The following MAST4 variants were observed in gnomAD, a reference collection of about 807,000 sequenced individuals.
MAST4 encodes microtubule-associated serine/threonine-protein kinase 4.
Under a neutral mutation model 162.7 loss-of-function variants are expected in MAST4, and 89 were observed. The ratio of observed to expected loss-of-function variants is 0.55; its 90% CI spans 0.46 to 0.65. The LOEUF (loss-of-function observed/expected upper bound fraction) is 0.65. MAST4 is among the 30% of genes least tolerant of loss of function. The probability of loss-of-function intolerance (pLI) is 0.00; values close to 1 mark genes in which losing one functional copy is unlikely to be tolerated. For missense variants in MAST4, 3,153 were observed against 3,374.0 expected (o/e 0.93, Z 1.62); for synonymous variants, 1,479 against 1,361.1 (o/e 1.09, Z -1.91).
chr5:66,764,625 A>G lies in MAST4; in HGVS notation c.517+4763A>G, dbSNP rs180725805. 7.7e-3 allele frequency among the ~76,000 whole-genome samples: 1,177 copies of G among 152,296 alleles called. 4 individuals carry two copies. The highest frequency in any genetic ancestry group is 0.014 in the Non-Finnish European group (943 of 68,022). ...TGTTTGTGTCTTAGTTTTTAAACAA[A>G]AAAGTTTAAAAAGTAAAAGAAAAAA... On this transcript the variant is annotated intron_variant, in intron 2 of 28. Transcript: ENST00000403625.
At chr5:67,065,423 T>C (rs904972932) in intron 5 of MAST4, among the ~76,000 whole-genome samples, 2 of 152,212 alleles carry the variant, frequency 1.3e-5, no homozygotes, top group African/African-American at 2.4e-5. Flanking sequence ...AAATAGAGAC[T>C]GTCTTCCTCC....
intron 4 of MAST4, among the ~76,000 whole-genome samples, chr5:66,947,892 T>C (rs1263589869): frequency 6.6e-6 from 1 of 152,218 alleles, no homozygotes; most frequent in Non-Finnish European, 1.5e-5. Flanking sequence ...CTGAAATTGG[T>C]GAAGATACAT....
At chr5:66,847,013 T>A (rs1006996805) in intron 3 of MAST4, among the ~76,000 whole-genome samples, 9 of 152,150 alleles carry the variant, frequency 5.9e-5, no homozygotes, top group African/African-American at 2.2e-4. Flanking sequence ...TTTTTTCCAT[T>A]TGGGAAAGAT....
intron 1 of MAST4, among the ~76,000 whole-genome samples, chr5:66,746,281 GTC>G (rs1477361845): frequency 6.6e-6 from 1 of 152,190 alleles, no homozygotes; most frequent in Non-Finnish European, 1.5e-5. Context: ...TCTTTGTGGA[GTC>G]TTCTCAGACT....
intron 4 of MAST4, among the ~76,000 whole-genome samples, chr5:66,966,767 T>C (rs945628717): frequency 6.6e-6 from 1 of 152,194 alleles, no homozygotes; most frequent in East Asian, 1.9e-4. Context: ...TAGCAATCTT[T>C]GTTGTAGAAG....
chr5:66,959,071 A>G, intron 4 of MAST4: 1 of 613,298 alleles, frequency 1.6e-6, no homozygotes. Flanking sequence ...AAAGCAGCTG[A>G]CATCTCTTGA....
intron 3 of MAST4, among the ~76,000 whole-genome samples, chr5:66,796,655 G>A (rs184490920): frequency 6.6e-6 from 1 of 152,252 alleles, no homozygotes; most frequent in East Asian, 1.9e-4. Flanking sequence ...CATCACAGAG[G>A]GGAGCAAAAC....
At chr5:66,691,615 G>C (rs12515753) in intron 1 of MAST4, among the ~76,000 whole-genome samples, 2 of 152,034 alleles carry the variant, frequency 1.3e-5, no homozygotes, top group African/African-American at 4.8e-5. Flanking sequence ...TCATCGTCTC[G>C]TTAGGGCCCA....
chr5:66,996,234 G>A (rs1412808946), intron 4 of MAST4, among the ~76,000 whole-genome samples: 1 of 152,026 alleles, frequency 6.6e-6, no homozygotes, highest in Non-Finnish European at 1.5e-5. Context: ...AGTCGAGATC[G>A]TGCCATTGCA....
chr5:66,687,869 G>A (rs1347439151), intron 1 of MAST4, among the ~76,000 whole-genome samples: 1 of 152,112 alleles, frequency 6.6e-6, no homozygotes, highest in African/African-American at 2.4e-5. Flanking sequence ...TAAGGATGAA[G>A]TTTACCTTAA....
At chr5:67,050,080 G>A (rs914825211) in intron 4 of MAST4, among the ~76,000 whole-genome samples, 11 of 152,150 alleles carry the variant, frequency 7.2e-5, no homozygotes, top group African/African-American at 2.7e-4. Context: ...TTTCCCACCT[G>A]CCTCCAGCTT....
chr5:67,014,499 T>A (rs1753050876), intron 4 of MAST4, among the ~76,000 whole-genome samples: 1 of 152,222 alleles, frequency 6.6e-6, no homozygotes, highest in African/African-American at 2.4e-5. Flanking sequence ...TAGGATTTGA[T>A]GTCTGGGGTT....
chr5:67,037,013 G>A (rs1756102926), intron 4 of MAST4, among the ~76,000 whole-genome samples: 1 of 152,140 alleles, frequency 6.6e-6, no homozygotes, highest in Non-Finnish European at 1.5e-5. Context: ...GTATAGGGGA[G>A]ATTTGTTGTT....
intron 1 of MAST4, among the ~76,000 whole-genome samples, chr5:66,615,328 G>A (rs534666903): frequency 3.9e-5 from 6 of 152,234 alleles, no homozygotes; most frequent in Non-Finnish European, 7.4e-5. Flanking sequence ...TTTAGACACC[G>A]GGTTTCCTGC....
Position 67,116,179 on chromosome 5 carries a change from G to A in MAST4, c.1591+1960G>A, listed in dbSNP as rs575451177. ...CTTGACAATTTAAGATCTAAGGCTA[G>A]TTTTGTTTGTTTGTTTGTTTGTTTG... is the stretch of plus-strand genomic sequence containing the variant. On this transcript the variant is annotated intron_variant, in intron 12 of 28. Transcript: ENST00000403625. Among the ~76,000 whole-genome samples, 4 of 131,706 alleles carry A rather than the reference G, an allele frequency of 3.0e-5. No individual in the cohort carries two copies. In the South Asian group the frequency reaches 7.4e-4, roughly 25 times the overall value. 86.4% of individuals were successfully genotyped at this position (131,706 alleles called of 152,430 possible). A position where few individuals can be genotyped will look rare whatever the true frequency, so the allele number is the denominator to read the frequency against.
At position 67,164,084 on chromosome 5, in the gene MAST4, C is replaced by T. The variant is rs762019263; in HGVS notation, c.4905C>T (p.Asp1635=). The part of the protein sequence containing the change: ...VPAEHRQGGG[D]FRRAPAPGTL... ...CGGAGCACCGCCAGGGTGGCGGGGA[C>T]TTCAGACGGGCCCCCGCTCCTGGCA... The change falls in exon 29 of 29, where the codon GAC becomes GAT. Residue 1635 remains aspartate (D), a synonymous_variant. Coordinates refer to ENST00000403625, the MANE Select transcript of MAST4 (RefSeq NM_001164664.2). This position sits in a 1 kb window ranked among gnomAD's most constrained non-coding sequence, Gnocchi z 5.3. The T allele has an allele frequency of 3.2e-6, 5 of 1,570,722 alleles. No homozygotes were observed. Among genetic ancestry groups the T allele is most frequent in the Non-Finnish European group, 4.3e-6 (5 of 1,157,500 alleles).
chr5:66,775,222 A>C lies in MAST4; in HGVS notation c.518-13448A>C, dbSNP rs551192884. 1.3e-3 allele frequency among the ~76,000 whole-genome samples: 198 copies of C among 152,286 alleles called. 6 individuals carry two copies. The South Asian group carries it at 0.039, about 30-fold the overall frequency. ...ATTTAATGCATTTAATGAAATGGCT[A>C]GAAGAAAATGACCTGGCTTTCAAGC... On this transcript the variant is annotated intron_variant, in intron 2 of 28. Coordinates refer to ENST00000403625, the MANE Select transcript of MAST4 (RefSeq NM_001164664.2).
At chr5:66,810,444 A>G (rs948636807) in intron 3 of MAST4, among the ~76,000 whole-genome samples, 3 of 152,140 alleles carry the variant, frequency 2.0e-5, no homozygotes, top group Admixed American at 6.5e-5. Context: ...GAAGGAGTGC[A>G]TGGGAAGTGT....
At position 66,784,743 on chromosome 5, in the gene MAST4, C is replaced by T. The variant is rs554760282; in HGVS notation, c.518-3927C>T. Reference sequence around the variant, plus strand: ...GTGGTGGTGGAGGATGCAGGTCTTACGATAATATGAAGTGTGACAGTACAT... The same window carrying T: ...GTGGTGGTGGAGGATGCAGGTCTTATGATAATATGAAGTGTGACAGTACAT... On this transcript the variant is annotated intron_variant, in intron 2 of 28. Transcript: ENST00000403625. Among the ~76,000 whole-genome samples the T allele has an allele frequency of 9.2e-5, 14 of 152,266 alleles. No individual in the cohort carries two copies. The South Asian group carries it at 2.5e-3, about 27-fold the overall frequency.
Sources: allele counts gnomAD v4.1 joint callset (sites outside exome capture counted in the v4.1 genomes callset), GRCh38; gene constraint gnomAD v4.1.1; non-coding constraint Gnocchi (gnomAD v3.1); transcripts MANE v1.5; gene names NCBI Gene and HGNC (gene_info 2026-07-23, HGNC 2026-07-21).